Variants in CHCHD6 observed in about 807,000 individuals in gnomAD.
CHCHD6 encodes MICOS complex subunit MIC25.
In CHCHD6, 28 loss-of-function variants were observed where a neutral mutation model predicts 32.3. The observed-to-expected ratio is 0.87, with a 90% CI of 0.64 to 1.19. CHCHD6 has a LOEUF of 1.19. Ranked by LOEUF, CHCHD6 falls within the 50% of genes most tolerant of loss-of-function variation. The probability of loss-of-function intolerance (pLI) is 0.00; values close to 1 mark genes in which losing one functional copy is unlikely to be tolerated. For synonymous variants in CHCHD6, 122 were observed against 117.5 expected (o/e 1.04, Z -0.25); for missense variants, 333 against 307.0 (o/e 1.08, Z -0.63).
At chr3:126,727,605 G>A (rs1243168956) in intron 2 of CHCHD6, among the ~76,000 whole-genome samples, 2 of 152,164 alleles carry the variant, frequency 1.3e-5, no homozygotes, top group Non-Finnish European at 2.9e-5. Context: ...TGATTTAGGC[G>A]CCTACCGCAG....
chr3:126,837,913 C>T (rs1012593149), intron 4 of CHCHD6, among the ~76,000 whole-genome samples: 14 of 152,192 alleles, frequency 9.2e-5, no homozygotes, highest in South Asian at 2.1e-4. Context: ...TTGGGCAACA[C>T]GGAGGAGAGC....
At chr3:126,826,317 G>A (rs1170924005) in intron 4 of CHCHD6, among the ~76,000 whole-genome samples, 1 of 152,178 alleles carries the variant, frequency 6.6e-6, no homozygotes, top group African/African-American at 2.4e-5. Context: ...AAGTTTTTAT[G>A]ATGATGCCTT....
chr3:126,802,753 A>G (rs1576434659), intron 4 of CHCHD6, among the ~76,000 whole-genome samples: 1 of 152,226 alleles, frequency 6.6e-6, no homozygotes, highest in African/African-American at 2.4e-5. Flanking sequence ...ACTCCAAGAC[A>G]CATAACTGTC....
intron 4 of CHCHD6, among the ~76,000 whole-genome samples, chr3:126,755,780 G>A (rs1233669772): frequency 6.6e-6 from 1 of 152,072 alleles, no homozygotes; most frequent in Non-Finnish European, 1.5e-5. Context: ...TTCTTATTGT[G>A]AAATATCCAG....
At chr3:126,921,712 G>A (rs759328988) in intron 6 of CHCHD6, among the ~76,000 whole-genome samples, 2 of 152,220 alleles carry the variant, frequency 1.3e-5, no homozygotes, top group Non-Finnish European at 2.9e-5. Context: ...GATTAATGTG[G>A]ATGTGGCAGC....
At chr3:126,871,470 G>A (rs550331828) in intron 5 of CHCHD6, among the ~76,000 whole-genome samples, 170 of 152,056 alleles carry the variant, frequency 1.1e-3, no homozygotes, top group African/African-American at 3.9e-3. Flanking sequence ...GATTCTCAGG[G>A]GTTTCACTCC....
intron 4 of CHCHD6, among the ~76,000 whole-genome samples, chr3:126,768,445 C>G (rs1937466143): frequency 6.6e-6 from 1 of 152,180 alleles, no homozygotes; most frequent in African/African-American, 2.4e-5. Context: ...TGCAGCAGAA[C>G]TGCGAGCCAG....
At chr3:126,761,587 G>T (rs1439913335) in intron 4 of CHCHD6, among the ~76,000 whole-genome samples, 1 of 152,096 alleles carries the variant, frequency 6.6e-6, no homozygotes, top group Non-Finnish European at 1.5e-5. Flanking sequence ...CACCATGCCT[G>T]GCTAATTTTT....
intron 5 of CHCHD6, among the ~76,000 whole-genome samples, chr3:126,894,257 G>A (rs769360157): frequency 6.6e-6 from 1 of 152,216 alleles, no homozygotes; most frequent in African/African-American, 2.4e-5. Context: ...GCTGCCCCTT[G>A]GGGGCTGGTC....
At chr3:126,937,486 G>C (rs2107601558) in intron 6 of CHCHD6, among the ~76,000 whole-genome samples, 1 of 152,344 alleles carries the variant, frequency 6.6e-6, no homozygotes, top group Non-Finnish European at 1.5e-5. Context: ...GCCAGACAGT[G>C]CTGGTCTTGG....
chr3:126,942,183 T>C (rs891760), intron 6 of CHCHD6, among the ~76,000 whole-genome samples: 151,864 of 152,324 alleles, frequency 1, 75,705 homozygotes, highest in Middle Eastern at 1. Flanking sequence ...CATCAGTAGG[T>C]TCAAGAGGCC....
At chr3:126,793,677 C>A (rs1184026854) in intron 4 of CHCHD6, among the ~76,000 whole-genome samples, 1 of 152,176 alleles carries the variant, frequency 6.6e-6, no homozygotes, top group East Asian at 1.9e-4. Flanking sequence ...TCATTCCAAA[C>A]ATGTTCTCAG....
chr3:126,955,942 C>T (rs2078777757), intron 6 of CHCHD6, among the ~76,000 whole-genome samples: 1 of 152,196 alleles, frequency 6.6e-6, no homozygotes, highest in South Asian at 2.1e-4. Context: ...AGACCAGACC[C>T]AGGTGGCATC....
At chr3:126,718,462 G>A (rs1935127475) in intron 1 of CHCHD6, among the ~76,000 whole-genome samples, 1 of 152,166 alleles carries the variant, frequency 6.6e-6, no homozygotes, top group Non-Finnish European at 1.5e-5. Flanking sequence ...GAGCTAAGAA[G>A]TCCCCTGGCC....
At chr3:126,769,112 A>G (rs1345606216) in intron 4 of CHCHD6, among the ~76,000 whole-genome samples, 5 of 152,180 alleles carry the variant, frequency 3.3e-5, no homozygotes, top group Non-Finnish European at 7.3e-5. Context: ...AATATTTGCC[A>G]AGTCCTATGT....
At chr3:126,788,354 A>G (rs1295388208) in intron 4 of CHCHD6, among the ~76,000 whole-genome samples, 2 of 152,222 alleles carry the variant, frequency 1.3e-5, no homozygotes, top group African/African-American at 2.4e-5. Flanking sequence ...TGAATTAGGG[A>G]TGATTCCCTC....
At chr3:126,714,166 C>T (rs932740691) in intron 1 of CHCHD6, among the ~76,000 whole-genome samples, 1 of 151,394 alleles carries the variant, frequency 6.6e-6, no homozygotes, top group Non-Finnish European at 1.5e-5. Flanking sequence ...GAAAGTCTGC[C>T]ATTCTTGTGT....
intron 5 of CHCHD6, among the ~76,000 whole-genome samples, chr3:126,887,251 CT>C (rs879774653): frequency 0.017 from 2,474 of 144,716 alleles, 26 homozygotes; most frequent in African/African-American, 0.035. Context: ...TGCTGAGCAT[CT>C]TTTTTTTTTT....
At position 126,943,789 on chromosome 3, in the gene CHCHD6, A is replaced by G. The variant is rs919064587; in HGVS notation, c.567-13627A>G. ...GTTTCTGAATGTGCTCGAGGAAGAC[A>G]GTAGAGGGAGGGGAAAGGGTCATAG... On this transcript the variant is annotated intron_variant, in intron 6 of 7. Transcript: ENST00000290913. 2.6e-5 allele frequency among the ~76,000 whole-genome samples: 4 copies of G among 152,296 alleles called. 1 individual carries two copies. The highest frequency in any genetic ancestry group is 2.6e-4 in the Admixed American group (4 of 15,300).
Sources: gnomAD v4.1 joint callset for allele counts (sites outside exome capture counted in the v4.1 genomes callset) on GRCh38, gnomAD v4.1.1 for gene constraint, MANE v1.5 for transcripts, NCBI Gene and HGNC (gene_info 2026-07-23, HGNC 2026-07-21) for gene names.